ARHGEF4: variants seen among roughly 807,000 people sequenced by gnomAD.
The protein encoded by ARHGEF4 is Rho guanine nucleotide exchange factor 4, also known as APC-stimulated guanine nucleotide exchange factor 1.
ARHGEF4 carries 119 observed loss-of-function variants against 162.0 expected under a neutral mutation model. The ratio of observed to expected loss-of-function variants is 0.73; its 90% CI spans 0.63 to 0.86. The LOEUF (loss-of-function observed/expected upper bound fraction) is 0.86, where lower values mean the gene tolerates loss of function less well. Among genes scored for constraint, ARHGEF4 ranks in the 40% least tolerant of loss-of-function variants. The probability of loss-of-function intolerance (pLI) is 0.00; values close to 1 mark genes in which losing one functional copy is unlikely to be tolerated. For missense variants in ARHGEF4, 2,488 were observed against 2,456.0 expected (o/e 1.01, Z -0.28); for synonymous variants, 1,014 against 979.9 (o/e 1.03, Z -0.65).
At chr2:131,042,019 A>C in intron 10 of ARHGEF4, 75 bp downstream of exon 10, 1 of 1,537,962 alleles carries the variant, frequency 6.5e-7, no homozygotes, top group Non-Finnish European at 8.8e-7. Context: ...CCCCTGAAAA[A>C]TCTAGAAGGG....
intron 1 of ARHGEF4, among the ~76,000 whole-genome samples, chr2:130,852,655 C>T (rs1324388712): frequency 6.6e-6 from 1 of 152,206 alleles, no homozygotes; most frequent in Admixed American, 6.5e-5. Context: ...GTGCAGAACT[C>T]CAAGAGTCTC....
intron 4 of ARHGEF4, chr2:131,011,555 C>T (rs1192628723): frequency 1.4e-6 from 2 of 1,391,148 alleles, no homozygotes; most frequent in East Asian, 5.0e-5. Context: ...CAAGCATGTG[C>T]TTCCATATCA....
At chr2:131,002,741 AG>A (rs1687864915) in intron 4 of ARHGEF4, among the ~76,000 whole-genome samples, 1 of 120,656 alleles carries the variant, frequency 8.3e-6, no homozygotes, top group Admixed American at 8.7e-5. Flanking sequence ...AAAAAAAAAA[AG>A]GGTTGTGGGG....
chr2:130,853,873 G>A (rs1307224150), intron 1 of ARHGEF4, among the ~76,000 whole-genome samples: 2 of 152,188 alleles, frequency 1.3e-5, no homozygotes, highest in African/African-American at 4.8e-5. Flanking sequence ...ATATTGTAGT[G>A]AGCTTAGTTA....
chr2:130,992,957 A>G lies in ARHGEF4; in HGVS notation c.3986-34988A>G, dbSNP rs371245749. 2.0e-5 allele frequency among the ~76,000 whole-genome samples: 3 copies of G among 152,160 alleles called. No homozygotes were observed. In the South Asian group the frequency reaches 6.2e-4, roughly 32 times the overall value. Reference sequence around the variant, plus strand: ...AAATAAGGCAGGCGTGATTGTGCACATCTGTAATCCCAACTATTCGGGAGG... The same window carrying G: ...AAATAAGGCAGGCGTGATTGTGCACGTCTGTAATCCCAACTATTCGGGAGG... On this transcript the variant is annotated intron_variant, in intron 4 of 13. Transcript: ENST00000409359.
intron 5 of ARHGEF4, among the ~76,000 whole-genome samples, chr2:131,032,620 G>A (rs1689926964): frequency 2.0e-5 from 3 of 151,756 alleles, no homozygotes; most frequent in Non-Finnish European, 4.4e-5. Flanking sequence ...TCACCTGGTG[G>A]CCAGCCCCTC....
In ARHGEF4 at chr2:130,882,401, G is replaced by A. The variant is rs375475121; in HGVS notation, c.40-31585G>A. The stretch of plus-strand genomic sequence containing the variant: ...CGCCCGTGGTCAGGTTCCAGGGAGG[G>A]CTCCCTTCCAGGTTGCAGAAGGCCA... On this transcript the variant is annotated intron_variant, in intron 1 of 13. Transcript: ENST00000409359. 2.0e-5 allele frequency among the ~76,000 whole-genome samples: 3 copies of A among 152,092 alleles called. No homozygotes were observed. In the South Asian group the frequency reaches 6.2e-4, roughly 32 times the overall value.
At chr2:130,908,993 A>T (rs1252987429) in intron 1 of ARHGEF4, among the ~76,000 whole-genome samples, 1 of 152,192 alleles carries the variant, frequency 6.6e-6, no homozygotes, top group Admixed American at 6.5e-5. Context: ...CGCTTCACAG[A>T]CACTGGGAGG....
At chr2:130,895,627 A>G (rs1680108355) in intron 1 of ARHGEF4, among the ~76,000 whole-genome samples, 1 of 152,158 alleles carries the variant, frequency 6.6e-6, no homozygotes, top group Non-Finnish European at 1.5e-5. Flanking sequence ...CTTATTTGCC[A>G]TCTGTATATC....
chr2:130,962,149 GA>G (rs1299926146), intron 4 of ARHGEF4, among the ~76,000 whole-genome samples: 1 of 151,302 alleles, frequency 6.6e-6, no homozygotes, highest in Non-Finnish European at 1.5e-5. Flanking sequence ...TGAGGCAGGA[GA>G]ATCGCTTAAA....
intron 3 of ARHGEF4, among the ~76,000 whole-genome samples, chr2:130,946,227 T>C (rs1199980868): frequency 2.0e-5 from 3 of 152,218 alleles, no homozygotes; most frequent in African/African-American, 4.8e-5. Flanking sequence ...GCTCACCAGC[T>C]TGGGGAGAGT....
At chr2:130,964,339 C>T in intron 4 of ARHGEF4, 1 of 780,284 alleles carries the variant, frequency 1.3e-6, no homozygotes, top group Non-Finnish European at 1.6e-6. Context: ...GCCTTTCCTT[C>T]TCCTCCCTCA....
At chr2:131,034,989 C>G (rs1207989616) in intron 5 of ARHGEF4, 1 of 983,950 alleles carries the variant, frequency 1.0e-6, no homozygotes, top group African/African-American at 1.8e-5. Context: ...GAGCCCCAGG[C>G]CCGCGAGCGC....
intron 1 of ARHGEF4, among the ~76,000 whole-genome samples, chr2:130,841,806 G>A (rs1451823894): frequency 1.3e-5 from 2 of 152,174 alleles, no homozygotes; most frequent in Non-Finnish European, 2.9e-5. Flanking sequence ...CAGATGTCTG[G>A]ATTCCTTCAA....
At chr2:130,939,290 T>C (rs983990531) in intron 3 of ARHGEF4, among the ~76,000 whole-genome samples, 1 of 152,210 alleles carries the variant, frequency 6.6e-6, no homozygotes, top group Non-Finnish European at 1.5e-5. Context: ...TTTCTTTTCT[T>C]CTTTTCTTTT....
chr2:130,911,033 T>C (rs1403772404), intron 1 of ARHGEF4, among the ~76,000 whole-genome samples: 1 of 152,160 alleles, frequency 6.6e-6, no homozygotes, highest in Non-Finnish European at 1.5e-5. Context: ...AACTGTGTTA[T>C]TGAGGAGTTT....
intron 5 of ARHGEF4, chr2:131,035,778 C>G: frequency 1.0e-6 from 1 of 985,140 alleles, no homozygotes; most frequent in Non-Finnish European, 1.2e-6. Context: ...CCCTCTGAAG[C>G]CCCCACCCCT....
chr2:130,933,365 G>C (rs1303833909), intron 3 of ARHGEF4, among the ~76,000 whole-genome samples: 2 of 152,294 alleles, frequency 1.3e-5, no homozygotes, highest in East Asian at 3.9e-4. Flanking sequence ...ATTGGAATGT[G>C]AGAGTCTTCT....
intron 4 of ARHGEF4, among the ~76,000 whole-genome samples, chr2:130,962,815 G>A (rs1030034233): frequency 2.0e-5 from 3 of 152,042 alleles, no homozygotes; most frequent in Admixed American, 1.3e-4. Context: ...GGGTCGGGGC[G>A]GGGAGGGGGG....
Sources: gnomAD v4.1 joint callset for allele counts (sites outside exome capture counted in the v4.1 genomes callset) on GRCh38, gnomAD v4.1.1 for gene constraint, MANE v1.5 for transcripts, NCBI Gene and HGNC (gene_info 2026-07-23, HGNC 2026-07-21) for gene names.